The following NDUFAF6 variants were observed in gnomAD, a reference collection of about 807,000 sequenced individuals.
The protein encoded by NDUFAF6 is NADH dehydrogenase (ubiquinone) complex I, assembly factor 6.
NDUFAF6 carries 45 observed loss-of-function variants against 40.8 expected under a neutral mutation model. The ratio of observed to expected loss-of-function variants is 1.10; its 90% confidence interval spans 0.87 to 1.42. The LOEUF (loss-of-function observed/expected upper bound fraction) is 1.42. Among genes scored for constraint, NDUFAF6 ranks in the 40% most tolerant of loss-of-function variants. The probability of loss-of-function intolerance (pLI) is 0.00; values close to 1 mark genes in which losing one functional copy is unlikely to be tolerated. For synonymous variants in NDUFAF6, 185 were observed against 155.9 expected, an observed-to-expected ratio of 1.19 and a Z score of -1.39; for missense variants, 435 against 418.5, an observed-to-expected ratio of 1.04 and a Z score of -0.34.
chr8:95,021,542 A>T (rs1827692896), upstream of NDUFAF6, among the ~76,000 whole-genome samples: 1 of 152,164 alleles, frequency 6.6e-6, no homozygotes, highest in South Asian at 2.1e-4. Context: ...GGCACGTGCT[A>T]CTGGTTGCTA....
rs1335841262 is a variant in NDUFAF6, at chr8:95,069,827, A to AT, written c.*512-5806_*512-5805insT. On this transcript the variant is annotated intron_variant and NMD_transcript_variant, in intron 9 of 9. Coordinates refer to the NDUFAF6 transcript ENST00000520757. ...TATATATATAAATATATATATATAT[A>AT]ATATATATGTATAATATTATTTTTT... 3.2e-3 allele frequency among the ~76,000 whole-genome samples: 460 copies of AT among 145,720 alleles called. 15 individuals are homozygous for AT. The highest frequency in any genetic ancestry group is 0.011 in the African/African-American group (420 of 39,722).
chr8:94,998,379 T>TACACAC (rs200968954), intron 2 of NDUFAF6, among the ~76,000 whole-genome samples: 1,893 of 138,398 alleles, frequency 0.014, 22 homozygotes, highest in Middle Eastern at 0.026. Context: ...TGCAATCAAA[T>TACACAC]ACACACACAC....
rs189270799 is a variant in NDUFAF6 at position 95,048,590 on chromosome 8, G to A, written c.816+32G>A. On this transcript the variant is annotated intron_variant, in intron 7 of 8. Coordinates refer to ENST00000396124, the MANE Select transcript of NDUFAF6 (RefSeq NM_152416.4). ...CGGCTTTTTTTTGCCAAATCATTTA[G>A]GGAATAATCATTTCTAGATGTGGCT... 2.1e-5 allele frequency: 30 copies of A among 1,444,212 alleles called. No individual in the cohort carries two copies. In the East Asian group the frequency reaches 4.1e-4, roughly 20 times the overall value. The allele number at this position is 1,444,212 out of a possible 1,614,324, so 89.5% of individuals were successfully genotyped here. A position where few individuals can be genotyped will look rare whatever the true frequency, so the allele number is the denominator to read the frequency against.
At chr8:95,111,145 C>G (rs1809990890) in intron 4 of NDUFAF6, among the ~76,000 whole-genome samples, 1 of 152,000 alleles carries the variant, frequency 6.6e-6, no homozygotes, top group Non-Finnish European at 1.5e-5. Context: ...TTTATTCTAA[C>G]AAGTAGCATT....
intron 1 of NDUFAF6, among the ~76,000 whole-genome samples, chr8:94,898,357 A>G (rs1046736476): frequency 2.0e-5 from 3 of 152,202 alleles, no homozygotes; most frequent in Non-Finnish European, 2.9e-5. Flanking sequence ...GCAGTTTCTC[A>G]GACTTTTGTT....
chr8:95,022,311 C>T (rs1204418124), upstream of NDUFAF6, among the ~76,000 whole-genome samples: 1 of 150,548 alleles, frequency 6.6e-6, no homozygotes, highest in Non-Finnish European at 1.5e-5. Flanking sequence ...CCAGGAAGAC[C>T]GGGGAAGAGA....
At chr8:94,967,658 A>G (rs11783985) in intron 1 of NDUFAF6, among the ~76,000 whole-genome samples, 19,869 of 151,732 alleles carry the variant, frequency 0.13, 1,632 homozygotes, top group Middle Eastern at 0.23. Flanking sequence ...CAGCCACCGC[A>G]CCACGGGCGC....
At chr8:94,896,357 G>A (rs1358594017) in intron 1 of NDUFAF6, 4 of 147,646 alleles carry the variant, frequency 2.7e-5, no homozygotes, top group African/African-American at 1.0e-4. Flanking sequence ...CTGTTGGGAG[G>A]AGGGGGGCCC....
chr8:95,071,271 G>A (rs894201646), intron 9 of NDUFAF6, among the ~76,000 whole-genome samples: 34 of 151,278 alleles, frequency 2.2e-4, no homozygotes, highest in Non-Finnish European at 4.1e-4. Flanking sequence ...TGTGGCGGGC[G>A]CCTGTAGTCC....
At chr8:95,069,813 A>G (rs1314454081) in intron 9 of NDUFAF6, among the ~76,000 whole-genome samples, 3 of 143,398 alleles carry the variant, frequency 2.1e-5, no homozygotes, top group Admixed American at 7.0e-5. Flanking sequence ...ATATATATAA[A>G]TATATATATA....
chr8:95,101,726 C>G (rs1475708100), intron 2 of NDUFAF6, among the ~76,000 whole-genome samples: 1 of 152,174 alleles, frequency 6.6e-6, no homozygotes, highest in Non-Finnish European at 1.5e-5. Context: ...CTTAATTGTT[C>G]ATTCCCCTTT....
At chr8:95,077,134 C>G (rs1808655990), downstream of NDUFAF6, among the ~76,000 whole-genome samples, 1 of 152,114 alleles carries the variant, frequency 6.6e-6, no homozygotes, top group Non-Finnish European at 1.5e-5. Flanking sequence ...AAAAATCAAC[C>G]CTGGGGATAC....
At chr8:94,972,982 T>A (rs1156415205) in intron 1 of NDUFAF6, among the ~76,000 whole-genome samples, 1 of 151,878 alleles carries the variant, frequency 6.6e-6, no homozygotes, top group East Asian at 1.9e-4. Flanking sequence ...GAGGCCAAGC[T>A]GGGAGGATTG....
chr8:95,092,336 C>T (rs1809281169), intron 2 of NDUFAF6, among the ~76,000 whole-genome samples: 1 of 151,870 alleles, frequency 6.6e-6, no homozygotes, highest in African/African-American at 2.4e-5. Context: ...CACCTGCTAT[C>T]ATGCCTGGCT....
chr8:95,105,108 G>C, downstream of NDUFAF6, among the ~76,000 whole-genome samples: 1 of 108,386 alleles, frequency 9.2e-6, no homozygotes, highest in South Asian at 3.3e-4. Flanking sequence ...GAGAGAGAGA[G>C]AGAGAGAGAT....
At chr8:95,058,758 G>C, downstream of NDUFAF6, 2 of 988,612 alleles carry the variant, frequency 2.0e-6, no homozygotes, top group Non-Finnish European at 2.4e-6. Flanking sequence ...GATGAGCACT[G>C]TGCTGTATAC....
chr8:94,937,302 A>G (rs558267886), intron 1 of NDUFAF6, among the ~76,000 whole-genome samples: 440 of 152,148 alleles, frequency 2.9e-3, no homozygotes, highest in Non-Finnish European at 5.7e-3. Context: ...TTACCCAGGT[A>G]TGGTGGCGGG....
At chr8:95,081,105 G>T (rs1808845937), downstream of NDUFAF6, among the ~76,000 whole-genome samples, 1 of 141,384 alleles carries the variant, frequency 7.1e-6, no homozygotes, top group Non-Finnish European at 1.5e-5. Context: ...CACAGGTTCC[G>T]CCCTTTGGGA....
chr8:95,092,429 G>T (rs535329429), intron 2 of NDUFAF6, among the ~76,000 whole-genome samples: 3 of 151,828 alleles, frequency 2.0e-5, no homozygotes, highest in Admixed American at 1.3e-4. Context: ...TGAGCCACCC[G>T]CCTCAGCCTC....
Sources: allele counts gnomAD v4.1 joint callset (sites outside exome capture counted in the v4.1 genomes callset), GRCh38; gene constraint gnomAD v4.1.1; transcripts MANE v1.5; gene names NCBI Gene and HGNC (gene_info 2026-07-23, HGNC 2026-07-21).